The following TUBA1A variants were observed in gnomAD, a reference collection of about 807,000 sequenced individuals.
The protein encoded by TUBA1A is tubulin alpha-1A chain.
TUBA1A carries 7 observed loss-of-function variants against 34.6 expected under a neutral mutation model. The observed-to-expected ratio is 0.20, with a 90% CI of 0.11 to 0.38. The LOEUF (loss-of-function observed/expected upper bound fraction) is 0.38, where lower values mean the gene tolerates loss of function less well. Ranked by LOEUF, TUBA1A falls within the 10% of genes least tolerant of loss-of-function variation. The probability of loss-of-function intolerance (pLI) is 1.00; values close to 1 mark genes in which losing one functional copy is unlikely to be tolerated. For missense variants in TUBA1A, 19 were observed against 581.3 expected (o/e 0.03, Z 9.95); for synonymous variants, 193 against 210.2 (o/e 0.92, Z 0.71).
chr12:49,189,041 TAC>T lies in TUBA1A; in HGVS notation c.-64_-63del. ...ACGAAGAGGAGAGGTTGTTGCTTCTTACAGCGCGACTCTTAGGCGGTCGATGT... is the reference window on the plus strand; with the variant it reads ...ACGAAGAGGAGAGGTTGTTGCTTCTTAGCGCGACTCTTAGGCGGTCGATGT... On this transcript the variant is annotated 5_prime_UTR_variant, in exon 1 of 4. Coordinates refer to ENST00000301071, the MANE Select transcript of TUBA1A (RefSeq NM_006009.4). 6.2e-7 allele frequency: 1 copy of T among 1,610,864 alleles called. No individual in the cohort carries two copies. Among genetic ancestry groups the T allele is most frequent in the Non-Finnish European group, 8.5e-7 (1 of 1,177,054 alleles).
At position 49,188,306 on chromosome 12, in the gene TUBA1A, A is replaced by G. The variant is rs1942208007; in HGVS notation, c.3+671T>C. 2.7e-6 allele frequency: 4 copies of G among 1,490,854 alleles called. No individual in the cohort carries two copies. The highest frequency in any genetic ancestry group is 2.5e-5 in the South Asian group (2 of 80,652). 92.4% of individuals were successfully genotyped at this position (1,490,854 alleles called of 1,614,324 possible). A position where few individuals can be genotyped will look rare whatever the true frequency, so the allele number is the denominator to read the frequency against. The stretch of plus-strand genomic sequence containing the variant: ...AGTCAGCTCCTGACAGAAGAGGTTC[A>G]GTGAGGGCGAACCCCGCCCAGTGGC... On this transcript the variant is annotated intron_variant, in intron 1 of 3. Coordinates refer to ENST00000301071, the MANE Select transcript of TUBA1A (RefSeq NM_006009.4). This position sits in a 1 kb window ranked among gnomAD's most constrained non-coding sequence, Gnocchi z 4.9.
In TUBA1A at chr12:49,188,568, C is replaced by T; in HGVS notation, c.3+409G>A. ...CCCCCGCTCTTTTTGGGTGCCTCCT[C>T]CTCTCCCGGTCCCCAGAGAACAACG... is the stretch of plus-strand genomic sequence containing the variant. On this transcript the variant is annotated intron_variant, in intron 1 of 3. Coordinates refer to ENST00000301071, the MANE Select transcript of TUBA1A (RefSeq NM_006009.4). The surrounding 1 kb of genome is among the most constrained non-coding windows in gnomAD (Gnocchi z 4.9). 2 of 1,478,328 alleles carry T rather than the reference C, an allele frequency of 1.4e-6. No homozygotes were observed. Among genetic ancestry groups the T allele is most frequent in the Non-Finnish European group, 1.8e-6 (2 of 1,116,046 alleles). The allele number at this position is 1,478,328 out of a possible 1,614,324, so 91.6% of individuals were successfully genotyped here.
intron 1 of TUBA1A, chr12:49,187,345 T>C: frequency 2.9e-6 from 3 of 1,037,046 alleles, no homozygotes; most frequent in Non-Finnish European, 3.5e-6. Context: ...AAGGTCTGCC[T>C]TCTGCATTGC....
rs1942204290 is a variant in TUBA1A, at chr12:49,188,073, C to CACAG, written c.3+900_3+903dup. On this transcript the variant is annotated intron_variant, in intron 1 of 3. Coordinates refer to ENST00000301071, the MANE Select transcript of TUBA1A (RefSeq NM_006009.4). The surrounding 1 kb of genome is among the most constrained non-coding windows in gnomAD (Gnocchi z 4.9). ...TTCAGTCGGTCAGGGCAGGGCGTCC[C>CACAG]ACAGACACACACACACACACACACA... 1.1e-6 allele frequency: 1 copy of CACAG among 911,880 alleles called. No homozygotes were observed. The highest frequency in any genetic ancestry group is 1.3e-6 in the Non-Finnish European group (1 of 789,668). 56.5% of individuals were successfully genotyped at this position (911,880 alleles called of 1,614,324 possible).
chr12:49,185,967 C>T lies in TUBA1A; in HGVS notation c.399G>A (p.Gln133=), dbSNP rs1942175208. 1.9e-6 allele frequency: 3 copies of T among 1,614,146 alleles called. No individual in the cohort carries two copies. The highest frequency in any genetic ancestry group is 1.7e-5 in the Admixed American group (1 of 60,010). The change falls in exon 4 of 4, where the codon CAG becomes CAA. Residue 133 remains glutamine (Q), a synonymous_variant. Coordinates refer to ENST00000301071, the MANE Select transcript of TUBA1A (RefSeq NM_006009.4). ...CAAAGCTGTGGAAAACCAAGAAGCCCTGGAGACCCGTGCACTGGTCGGCCT... is the reference window on the plus strand; with the variant it reads ...CAAAGCTGTGGAAAACCAAGAAGCCTTGGAGACCCGTGCACTGGTCGGCCT... ...RKLADQCTGL[Q]GFLVFHSFGG...
Position 49,188,721 on chromosome 12 carries a change from A to G in TUBA1A, c.3+256T>C, listed in dbSNP as rs1379251459. 3.5e-6 allele frequency: 5 copies of G among 1,447,336 alleles called. No individual in the cohort carries two copies. Among genetic ancestry groups the G allele is most frequent in the Admixed American group, 2.8e-5 (1 of 35,400 alleles). 89.7% of individuals were successfully genotyped at this position (1,447,336 alleles called of 1,614,324 possible). A position where few individuals can be genotyped will look rare whatever the true frequency, so the allele number is the denominator to read the frequency against. ...GCGGCCCCCGAAAGTCTCTCGGATA[A>G]CACAGGCGCCTAGGCGCCGCCTTTG... On this transcript the variant is annotated intron_variant, in intron 1 of 3. Transcript: ENST00000301071. This position sits in a 1 kb window ranked among gnomAD's most constrained non-coding sequence, Gnocchi z 4.9.
Position 49,188,019 on chromosome 12 carries a change from GACAGAC to G in TUBA1A, c.3+952_3+957del. On this transcript the variant is annotated intron_variant, in intron 1 of 3. Coordinates refer to ENST00000301071, the MANE Select transcript of TUBA1A (RefSeq NM_006009.4). This position sits in a 1 kb window ranked among gnomAD's most constrained non-coding sequence, Gnocchi z 4.9. ...GCTGAACGTGCAGTCCAGACAGACA[GACAGAC>G]ACACACACACACACACACACACTTC... 1 of 966,194 alleles carries G rather than the reference GACAGAC, an allele frequency of 1.0e-6. No homozygotes were observed. The highest frequency in any genetic ancestry group is 2.2e-5 in the African/African-American group (1 of 45,220). 59.9% of individuals were successfully genotyped at this position (966,194 alleles called of 1,614,324 possible). A position where few individuals can be genotyped will look rare whatever the true frequency, so the allele number is the denominator to read the frequency against.
Position 49,188,638 on chromosome 12 carries a change from A to G in TUBA1A, c.3+339T>C, listed in dbSNP as rs1592261424. 5.6e-6 allele frequency: 8 copies of G among 1,437,040 alleles called. No homozygotes were observed. In the East Asian group the frequency reaches 2.0e-4, roughly 36 times the overall value. The allele number at this position is 1,437,040 out of a possible 1,614,324, so 89.0% of individuals were successfully genotyped here. On this transcript the variant is annotated intron_variant, in intron 1 of 3. Transcript: ENST00000301071. This position sits in a 1 kb window ranked among gnomAD's most constrained non-coding sequence, Gnocchi z 4.9. ...TCAGCATCAGCGAAACCGTGCGCAC[A>G]GACACGGGGCCCAGCCGGGACGCCC...
chr12:49,186,175 T>A lies in TUBA1A; in HGVS notation c.375+135A>T. The A allele has an allele frequency of 6.4e-7, 1 of 1,573,212 alleles. No individual in the cohort carries two copies. The highest frequency in any genetic ancestry group is 8.6e-7 in the Non-Finnish European group (1 of 1,158,990). On this transcript the variant is annotated intron_variant, in intron 3 of 3. Transcript: ENST00000301071. This position sits in a 1 kb window ranked among gnomAD's most constrained non-coding sequence, Gnocchi z 6.6. ...CAAATAGTTCATTTTAACTGAATTT[T>A]AAAAACCCCAAAAGAATGACTCATT... is the stretch of plus-strand genomic sequence containing the variant.
Position 49,185,682 on chromosome 12 carries a change from A to G in TUBA1A, c.684T>C (p.Asn228=). 1 of 1,614,022 alleles carries G rather than the reference A, an allele frequency of 6.2e-7. No homozygotes were observed. The highest frequency in any genetic ancestry group is 8.5e-7 in the Non-Finnish European group (1 of 1,179,936). ...AGGACACAATTTGACCTATTAACCTATTCAGGTTAGTATAGGTTGGACGCT... is the reference window on the plus strand; with the variant it reads ...AGGACACAATTTGACCTATTAACCTGTTCAGGTTAGTATAGGTTGGACGCT... ...DIERPTYTNL[N]RLIGQIVSSI... The change falls in exon 4 of 4, where the codon AAT becomes AAC. Residue 228 remains asparagine, a synonymous_variant. Coordinates refer to ENST00000301071, the MANE Select transcript of TUBA1A (RefSeq NM_006009.4).
intron 1 of TUBA1A, chr12:49,187,923 C>T (rs1173957515): frequency 7.0e-6 from 1 of 143,488 alleles, no homozygotes; most frequent in Middle Eastern, 3.6e-3. Flanking sequence ...GGGGGGGCGG[C>T]GGGGAAGGGC....
Position 49,186,741 on chromosome 12 carries a change from G to A in TUBA1A, c.96C>T (p.Pro32=), listed in dbSNP as rs139102191. The A allele has an allele frequency of 4.0e-5, 65 of 1,614,170 alleles. No individual in the cohort carries two copies. The highest frequency in any genetic ancestry group is 3.2e-4 in the Admixed American group (19 of 60,016). Residue 32 remains proline, a synonymous_variant, in exon 2 of 4, where the codon CCC becomes CCT. Coordinates refer to ENST00000301071, the MANE Select transcript of TUBA1A (RefSeq NM_006009.4). This position sits in a 1 kb window ranked among gnomAD's most constrained non-coding sequence, Gnocchi z 6.6. ...TCTTGTCACTTGGCATCTGGCCATCGGGCTGGATGCCGTGTTCCAGGCAGT... is the reference window on the plus strand; with the variant it reads ...TCTTGTCACTTGGCATCTGGCCATCAGGCTGGATGCCGTGTTCCAGGCAGT... ...ELYCLEHGIQ[P]DGQMPSDKTI...
Position 49,184,804 on chromosome 12 carries a change from G to T in TUBA1A, c.*206C>A. The T allele has an allele frequency of 1.3e-6, 1 of 784,778 alleles. No individual in the cohort carries two copies. The highest frequency in any genetic ancestry group is 2.0e-6 in the Non-Finnish European group (1 of 492,002). The allele number at this position is 784,778 out of a possible 1,614,324, so 48.6% of individuals were successfully genotyped here. The stretch of plus-strand genomic sequence containing the variant: ...AAAACACAGGACTGAATTCATTTAA[G>T]ACAGGGAATACTTTATTCAAAACCC... On this transcript the variant is annotated 3_prime_UTR_variant, in exon 4 of 4. Coordinates refer to ENST00000301071, the MANE Select transcript of TUBA1A (RefSeq NM_006009.4).
intron 1 of TUBA1A, chr12:49,187,954 T>TC (rs1055625329): frequency 2.0e-6 from 2 of 984,412 alleles, no homozygotes; most frequent in Non-Finnish European, 2.4e-6. Flanking sequence ...GTCCTGACCA[T>TC]CAGGGTACCC....
rs1592259704 is a variant in TUBA1A, at chr12:49,185,391, G to C, written c.975C>G (p.Pro325=). ...CCLLYRGDVV[P]KDVNAAIATI... ...TGGCAATGGCAGCATTGACATCTTT[G>C]GGAACCACGTCACCACGGTACAACA... The change falls in exon 4 of 4, where the codon CCC becomes CCG. Residue 325 remains proline (P), a synonymous_variant. Transcript: ENST00000301071. The C allele has an allele frequency of 1.2e-6, 2 of 1,614,128 alleles. No individual in the cohort carries two copies. The highest frequency in any genetic ancestry group is 1.3e-5 in the African/African-American group (1 of 75,040).
chr12:49,187,496 G>A (rs554873970), intron 1 of TUBA1A: 15 of 985,994 alleles, frequency 1.5e-5, no homozygotes, highest in Non-Finnish European at 1.8e-5. Flanking sequence ...CCCCGCCCGG[G>A]ACCATGTGCC....
intron 1 of TUBA1A, chr12:49,187,666 T>G (rs1942197490): frequency 1.0e-6 from 1 of 984,812 alleles, no homozygotes; most frequent in South Asian, 4.7e-5. Flanking sequence ...ATCCGTATCT[T>G]AACACACACA....
At position 49,188,052 on chromosome 12, in the gene TUBA1A, G is replaced by C; in HGVS notation, c.3+925C>G. 1.1e-6 allele frequency: 1 copy of C among 934,948 alleles called. No homozygotes were observed. Among genetic ancestry groups the C allele is most frequent in the Non-Finnish European group, 1.2e-6 (1 of 801,946 alleles). 57.9% of individuals were successfully genotyped at this position (934,948 alleles called of 1,614,324 possible). A position where few individuals can be genotyped will look rare whatever the true frequency, so the allele number is the denominator to read the frequency against. ...CACACACACACACACACACACTTCAGTCGGTCAGGGCAGGGCGTCCCACAG... is the reference window on the plus strand; with the variant it reads ...CACACACACACACACACACACTTCACTCGGTCAGGGCAGGGCGTCCCACAG... On this transcript the variant is annotated intron_variant, in intron 1 of 3. Transcript: ENST00000301071. This position sits in a 1 kb window ranked among gnomAD's most constrained non-coding sequence, Gnocchi z 4.9.
chr12:49,187,493 C>T (rs760076260), intron 1 of TUBA1A: 92 of 986,088 alleles, frequency 9.3e-5, no homozygotes, highest in Non-Finnish European at 1.0e-4. Flanking sequence ...TGACCCCGCC[C>T]GGGACCATGT....
Sources: allele counts gnomAD v4.1 joint callset, GRCh38; gene constraint gnomAD v4.1.1; non-coding constraint Gnocchi (gnomAD v3.1); transcripts MANE v1.5; gene names NCBI Gene and HGNC (gene_info 2026-07-23, HGNC 2026-07-21).